Variants in GRIA1 observed in about 807,000 individuals in gnomAD.
GRIA1 encodes glutamate receptor 1.
GRIA1 carries 31 observed loss-of-function variants against 99.2 expected under a neutral mutation model. The observed-to-expected ratio is 0.31, with a 90% confidence interval of 0.23 to 0.42. The LOEUF is 0.42. Among genes scored for constraint, GRIA1 ranks in the 10% least tolerant of loss-of-function variants. The probability of loss-of-function intolerance (pLI) is 1.00; values close to 1 mark genes in which losing one functional copy is unlikely to be tolerated. For synonymous variants in GRIA1, 438 were observed against 432.4 expected (o/e 1.01, Z -0.16); for missense variants, 782 against 1,157.5 (o/e 0.68, Z 4.71).
intron 13 of GRIA1, among the ~76,000 whole-genome samples, chr5:153,773,759 A>G (rs1764035293): frequency 6.6e-6 from 1 of 152,202 alleles, no homozygotes; most frequent in African/African-American, 2.4e-5. Flanking sequence ...CTGCAAGTCA[A>G]GAACACCCAA....
intron 2 of GRIA1, among the ~76,000 whole-genome samples, chr5:153,499,767 T>A (rs1754808076): frequency 1.3e-5 from 2 of 152,086 alleles, no homozygotes; most frequent in Admixed American, 1.3e-4. Flanking sequence ...TGACTGTGGA[T>A]GATGAAAACT....
Position 153,536,489 on chromosome 5 carries a change from T to A in GRIA1, c.220+42424T>A, listed in dbSNP as rs1486339843. On this transcript the variant is annotated intron_variant, in intron 2 of 15. Transcript: ENST00000285900. ...GCCTTATTGTGCTCATCTGTCCATCTCCTTTCTCTCTTCTTCCTCTTGCCT... is the reference window on the plus strand; with the variant it reads ...GCCTTATTGTGCTCATCTGTCCATCACCTTTCTCTCTTCTTCCTCTTGCCT... Among the ~76,000 whole-genome samples, 3 of 152,266 alleles carry A rather than the reference T, an allele frequency of 2.0e-5. No homozygotes were observed. In the East Asian group the frequency reaches 5.8e-4, roughly 29 times the overall value.
intron 2 of GRIA1, 49 bp downstream of exon 2, chr5:153,494,114 G>A (rs767831729): frequency 3.5e-5 from 56 of 1,586,396 alleles, no homozygotes; most frequent in Non-Finnish European, 4.6e-5. Flanking sequence ...CTAGACCAAT[G>A]AAAGGAGGGC....
intron 2 of GRIA1, among the ~76,000 whole-genome samples, chr5:153,537,452 C>T (rs1472559401): frequency 6.6e-6 from 1 of 152,160 alleles, no homozygotes; most frequent in Non-Finnish European, 1.5e-5. Flanking sequence ...CCCACCTCCG[C>T]AGCCTCCCAG....
chr5:153,566,737 A>T (rs1276260086), intron 2 of GRIA1, among the ~76,000 whole-genome samples: 5 of 81,000 alleles, frequency 6.2e-5, no homozygotes, highest in East Asian at 3.9e-4. Context: ...TTTTTTTGAG[A>T]CGGAGTTTTG....
intron 5 of GRIA1, among the ~76,000 whole-genome samples, chr5:153,667,258 A>T (rs1043337455): frequency 1.3e-4 from 20 of 152,210 alleles, no homozygotes; most frequent in Non-Finnish European, 1.5e-4. Context: ...GTTTCCTTGA[A>T]CAATGTTAGA....
intron 2 of GRIA1, among the ~76,000 whole-genome samples, chr5:153,600,747 T>C (rs912376085): frequency 6.6e-6 from 1 of 152,194 alleles, no homozygotes; most frequent in Non-Finnish European, 1.5e-5. Flanking sequence ...TGCTAAAAAT[T>C]GATTTCAGAG....
intron 14 of GRIA1, among the ~76,000 whole-genome samples, chr5:153,802,057 AT>A (rs1444952547): frequency 6.6e-6 from 1 of 152,040 alleles, no homozygotes; most frequent in Non-Finnish European, 1.5e-5. Context: ...GCTGCCCTAA[AT>A]TTCTTGTGAT....
intron 2 of GRIA1, among the ~76,000 whole-genome samples, chr5:153,624,219 C>CCAAGGTCAG (rs1767354312): frequency 1.3e-5 from 2 of 152,136 alleles, no homozygotes; most frequent in African/African-American, 4.8e-5. Flanking sequence ...CCCAAAAGTC[C>CCAAGGTCAG]CAAGGTCAGA....
intron 2 of GRIA1, among the ~76,000 whole-genome samples, chr5:153,601,382 A>G (rs1179576661): frequency 6.6e-6 from 1 of 152,192 alleles, no homozygotes; most frequent in Admixed American, 6.5e-5. Flanking sequence ...ATACTTCACA[A>G]AGAGACTTTT....
At chr5:153,551,857 C>G (rs922368752) in intron 2 of GRIA1, among the ~76,000 whole-genome samples, 3 of 152,110 alleles carry the variant, frequency 2.0e-5, no homozygotes, top group Non-Finnish European at 4.4e-5. Flanking sequence ...TGTTTCCTTT[C>G]TGTGATCATG....
At chr5:153,630,594 C>G (rs994745376) in intron 2 of GRIA1, among the ~76,000 whole-genome samples, 1 of 152,182 alleles carries the variant, frequency 6.6e-6, no homozygotes, top group Non-Finnish European at 1.5e-5. Context: ...GTCCAAGCTT[C>G]CCACCTCAGA....
chr5:153,796,472 T>G (rs1765653530), intron 14 of GRIA1, among the ~76,000 whole-genome samples: 1 of 152,180 alleles, frequency 6.6e-6, no homozygotes, highest in Non-Finnish European at 1.5e-5. Context: ...AATATTAAAT[T>G]ACAGTCACCT....
intron 2 of GRIA1, among the ~76,000 whole-genome samples, chr5:153,496,197 G>A (rs553837016): frequency 6.6e-6 from 1 of 152,182 alleles, no homozygotes; most frequent in African/African-American, 2.4e-5. Flanking sequence ...CTCTAATAGG[G>A]TTAATGACTG....
In GRIA1 at chr5:153,731,265, A is replaced by G. The variant is rs555222174; in HGVS notation, c.1823+25198A>G. On this transcript the variant is annotated intron_variant, in intron 11 of 15. Transcript: ENST00000285900. ...CTCTCCATCTTCATCTCTTTCTCCTATATTCTGGCCTCTTGTGATCTGTTC... is the reference window on the plus strand; with the variant it reads ...CTCTCCATCTTCATCTCTTTCTCCTGTATTCTGGCCTCTTGTGATCTGTTC... Among the ~76,000 whole-genome samples the G allele has an allele frequency of 5.4e-5, 8 of 149,194 alleles. No homozygotes were observed. The East Asian group carries it at 1.6e-3, about 29-fold the overall frequency.
intron 2 of GRIA1, among the ~76,000 whole-genome samples, chr5:153,571,616 A>G (rs1762128180): frequency 6.6e-6 from 1 of 152,210 alleles, no homozygotes; most frequent in Admixed American, 6.5e-5. Context: ...CATGAGCCAT[A>G]GTTTTCTGAC....
Position 153,686,222 on chromosome 5 carries a change from C to T in GRIA1, c.1030-3C>T, listed in dbSNP as rs1179663537. The T allele has an allele frequency of 6.2e-7, 1 of 1,611,808 alleles. No homozygotes were observed. Among genetic ancestry groups the T allele is most frequent in the Non-Finnish European group, 8.5e-7 (1 of 1,177,958 alleles). On this transcript the variant is annotated splice_polypyrimidine_tract_variant and splice_region_variant and intron_variant, in intron 7 of 15. Coordinates refer to ENST00000285900, the MANE Select transcript of GRIA1 (RefSeq NM_000827.4). Reference sequence around the variant, plus strand: ...CTGCCCACCACTTGGTTTTGTTTTCCAGGTGCGATTTGAAGGTTTAACAGG... The same window carrying T: ...CTGCCCACCACTTGGTTTTGTTTTCTAGGTGCGATTTGAAGGTTTAACAGG...
chr5:153,539,522 T>A (rs1301447979), intron 2 of GRIA1, among the ~76,000 whole-genome samples: 1 of 152,246 alleles, frequency 6.6e-6, no homozygotes, highest in Non-Finnish European at 1.5e-5. Context: ...TGGGTTCTAG[T>A]CTTTACTGAG....
intron 11 of GRIA1, among the ~76,000 whole-genome samples, chr5:153,732,676 G>A (rs1289497406): frequency 6.6e-6 from 1 of 151,580 alleles, no homozygotes; most frequent in Non-Finnish European, 1.5e-5. Flanking sequence ...TTCCATAATT[G>A]CCTTTTCATT....
Sources: gnomAD v4.1 joint callset for allele counts (sites outside exome capture counted in the v4.1 genomes callset) on GRCh38, gnomAD v4.1.1 for gene constraint, MANE v1.5 for transcripts, NCBI Gene and HGNC (gene_info 2026-07-23, HGNC 2026-07-21) for gene names.